The following PPP2R2B variants were observed in gnomAD, a reference collection of about 807,000 sequenced individuals.
PPP2R2B encodes serine/threonine-protein phosphatase 2A 55 kDa regulatory subunit B beta isoform.
A neutral mutation model predicts 46.0 loss-of-function variants in PPP2R2B; 5 were observed. The observed-to-expected ratio is 0.11, with a 90% CI of 0.06 to 0.23. The LOEUF (loss-of-function observed/expected upper bound fraction) is 0.23. Among genes scored for constraint, PPP2R2B ranks in the 10% least tolerant of loss-of-function variants. PPP2R2B has a pLI of 1.00. For synonymous variants in PPP2R2B, 215 were observed against 206.7 expected, an observed-to-expected ratio of 1.04 and a Z score of -0.34; for missense variants, 367 against 575.0, an observed-to-expected ratio of 0.64 and a Z score of 3.70.
chr5:146,830,275 A>T (rs1758846263), intron 2 of PPP2R2B, among the ~76,000 whole-genome samples: 5 of 152,328 alleles, frequency 3.3e-5, no homozygotes, highest in Middle Eastern at 3.4e-3. Flanking sequence ...TGATAAGTAA[A>T]CTAAATAATT....
chr5:146,822,925 A>T (rs1758357236), intron 2 of PPP2R2B, among the ~76,000 whole-genome samples: 1 of 152,222 alleles, frequency 6.6e-6, no homozygotes, highest in Non-Finnish European at 1.5e-5. Flanking sequence ...CAAATTTAGA[A>T]CTTGTAGGAA....
intron 2 of PPP2R2B, among the ~76,000 whole-genome samples, chr5:146,874,085 C>A (rs558936962): frequency 6.6e-6 from 1 of 152,306 alleles, no homozygotes; most frequent in East Asian, 1.9e-4. Context: ...CCTTGAACTC[C>A]CGATCTAAAT....
chr5:146,638,078 G>A (rs1012203558), intron 7 of PPP2R2B, among the ~76,000 whole-genome samples, 173 bp downstream of exon 7: 44 of 152,150 alleles, frequency 2.9e-4, no homozygotes, highest in Admixed American at 6.5e-5. Flanking sequence ...TTTTGGAATC[G>A]AACACAAATG....
chr5:146,942,221 C>T (rs1561532681), intron 1 of PPP2R2B, among the ~76,000 whole-genome samples: 1 of 152,144 alleles, frequency 6.6e-6, no homozygotes, highest in African/African-American at 2.4e-5. Flanking sequence ...CATGATTTAA[C>T]CCTTAACAGC....
At chr5:146,767,507 T>C (rs1754559184) in intron 2 of PPP2R2B, among the ~76,000 whole-genome samples, 1 of 152,002 alleles carries the variant, frequency 6.6e-6, no homozygotes, top group Non-Finnish European at 1.5e-5. Context: ...AAATGGCTGA[T>C]GTTTAAATTA....
At chr5:146,917,340 T>C (rs1402254466) in intron 1 of PPP2R2B, among the ~76,000 whole-genome samples, 1 of 152,200 alleles carries the variant, frequency 6.6e-6, no homozygotes, top group African/African-American at 2.4e-5. Flanking sequence ...GATGCCACTT[T>C]TTGATCCTTG....
At chr5:146,939,896 A>G in intron 1 of PPP2R2B, among the ~76,000 whole-genome samples, 1 of 152,130 alleles carries the variant, frequency 6.6e-6, no homozygotes, top group East Asian at 1.9e-4. Flanking sequence ...TTATTTTGCA[A>G]TCAAGTTTTA....
intron 1 of PPP2R2B, among the ~76,000 whole-genome samples, chr5:146,961,015 C>T (rs1561542720): frequency 6.6e-6 from 1 of 152,114 alleles, no homozygotes; most frequent in Admixed American, 6.6e-5. Context: ...CAACTCTTGC[C>T]CCAGCTTTTA....
At chr5:146,856,324 TA>T in intron 2 of PPP2R2B, among the ~76,000 whole-genome samples, 1 of 152,278 alleles carries the variant, frequency 6.6e-6, no homozygotes, top group Non-Finnish European at 1.5e-5. Context: ...AATAACTATT[TA>T]AAAAATGTAA....
chr5:146,670,397 G>C (rs1181703677), intron 5 of PPP2R2B, among the ~76,000 whole-genome samples: 1 of 151,828 alleles, frequency 6.6e-6, no homozygotes, highest in African/African-American at 2.4e-5. Flanking sequence ...AAATAATTGA[G>C]GGAAAATTAG....
chr5:146,668,903 T>A (rs920849993), intron 5 of PPP2R2B, among the ~76,000 whole-genome samples: 4 of 152,200 alleles, frequency 2.6e-5, no homozygotes, highest in Non-Finnish European at 5.9e-5. Flanking sequence ...GTTATTGCCT[T>A]TGAGGACTGT....
At chr5:146,810,605 C>G (rs760492328) in intron 2 of PPP2R2B, among the ~76,000 whole-genome samples, 1 of 152,170 alleles carries the variant, frequency 6.6e-6, no homozygotes, top group East Asian at 1.9e-4. Context: ...GATTTGAACG[C>G]TTGTCTATGA....
chr5:147,066,721 G>T (rs566744568), intron 2 of PPP2R2B, among the ~76,000 whole-genome samples: 1 of 152,250 alleles, frequency 6.6e-6, no homozygotes, highest in East Asian at 1.9e-4. Context: ...TTCTTGGACT[G>T]CTAGAAAGCC....
intron 1 of PPP2R2B, among the ~76,000 whole-genome samples, chr5:146,999,178 T>C (rs1209617907): frequency 6.6e-6 from 1 of 152,170 alleles, no homozygotes; most frequent in African/African-American, 2.4e-5. Context: ...TGCTATGGAC[T>C]CAGTGATAAG....
At chr5:147,073,449 A>G (rs1757663727) in intron 2 of PPP2R2B, among the ~76,000 whole-genome samples, 1 of 152,178 alleles carries the variant, frequency 6.6e-6, no homozygotes, top group Non-Finnish European at 1.5e-5. Flanking sequence ...TTCTTCTGGC[A>G]GATTGGAGCG....
chr5:147,011,429 CAACT>C (rs1011045014), intron 1 of PPP2R2B, among the ~76,000 whole-genome samples: 41 of 152,172 alleles, frequency 2.7e-4, no homozygotes, highest in African/African-American at 8.7e-4. Context: ...TATAACTATA[CAACT>C]AACTATATAA....
chr5:146,644,261 A>AT (rs1554118465), intron 6 of PPP2R2B, among the ~76,000 whole-genome samples: 1 of 76,110 alleles, frequency 1.3e-5, no homozygotes, highest in Non-Finnish European at 2.5e-5. Context: ...AAAAAAAAAA[A>AT]AAGAAGAAGA....
At position 146,877,604 on chromosome 5, in the gene PPP2R2B, C is replaced by T. The variant is rs914595407; in HGVS notation, c.70+398G>A. Among the ~76,000 whole-genome samples the T allele has an allele frequency of 6.6e-5, 10 of 152,022 alleles. No homozygotes were observed. The East Asian group carries it at 1.7e-3, about 27-fold the overall frequency. On this transcript the variant is annotated intron_variant, in intron 2 of 9. Transcript: ENST00000394411. ...TGCCCTCCCTGCAGCCACTGAGAGA[C>T]ATAACATCGTTTCGCTCAGGGAGGG...
chr5:146,775,914 TTAAC>T (rs1003546711), intron 2 of PPP2R2B, among the ~76,000 whole-genome samples: 2 of 152,138 alleles, frequency 1.3e-5, no homozygotes, highest in South Asian at 2.1e-4. Context: ...AGGAATAAAT[TTAAC>T]TAAGGAGGTA....
Sources: allele counts gnomAD v4.1 joint callset (sites outside exome capture counted in the v4.1 genomes callset), GRCh38; gene constraint gnomAD v4.1.1; transcripts MANE v1.5; gene names NCBI Gene and HGNC (gene_info 2026-07-23, HGNC 2026-07-21).